The following DAPL1 variants were observed in gnomAD, a reference collection of about 807,000 sequenced individuals.
The protein encoded by DAPL1 is death-associated protein-like 1.
Under a neutral mutation model 12.9 loss-of-function variants are expected in DAPL1, and 17 were observed. That is an observed-to-expected ratio of 1.32 (90% CI 0.90 to 1.98). The LOEUF (loss-of-function observed/expected upper bound fraction) is 1.98, where lower values mean the gene tolerates loss of function less well. DAPL1 is among the 30% of genes most tolerant of loss of function. The pLI is 0.00. For synonymous variants in DAPL1, 51 were observed against 42.0 expected (o/e 1.21, Z -0.82); for missense variants, 157 against 125.7 (o/e 1.25, Z -1.19).
chr2:158,797,334 C>G lies in DAPL1; in HGVS notation c.58+1904C>G, dbSNP rs535927155. On this transcript the variant is annotated intron_variant, in intron 1 of 3. Coordinates refer to ENST00000309950, the MANE Select transcript of DAPL1 (RefSeq NM_001017920.3). ...AGTATCTGGCACCTGAATGTTAGCC[C>G]CCTTAAAATGCAGGCCCGGTAGAAC... is the stretch of plus-strand genomic sequence containing the variant. 5.3e-5 allele frequency among the ~76,000 whole-genome samples: 8 copies of G among 152,192 alleles called. No individual in the cohort carries two copies. In the South Asian group the frequency reaches 1.7e-3, roughly 32 times the overall value.
intron 1 of DAPL1, among the ~76,000 whole-genome samples, chr2:158,798,214 G>A (rs2059145431): frequency 6.6e-6 from 1 of 152,208 alleles, no homozygotes; most frequent in Non-Finnish European, 1.5e-5. Context: ...AATCCCTAAA[G>A]AGAATATGTT....
chr2:158,796,983 A>G (rs1404375612), intron 1 of DAPL1, among the ~76,000 whole-genome samples: 1 of 152,256 alleles, frequency 6.6e-6, no homozygotes, highest in Non-Finnish European at 1.5e-5. Context: ...GTCATCCTTC[A>G]GCCTGTCTTG....
chr2:158,808,887 A>G (rs141739855), intron 3 of DAPL1, among the ~76,000 whole-genome samples: 70 of 152,326 alleles, frequency 4.6e-4, no homozygotes, highest in Admixed American at 2.3e-3. Flanking sequence ...TGTATTAGGT[A>G]TGATGCCAGA....
intron 3 of DAPL1, among the ~76,000 whole-genome samples, chr2:158,814,078 C>A (rs915225974): frequency 1.3e-5 from 2 of 152,204 alleles, no homozygotes; most frequent in Non-Finnish European, 2.9e-5. Context: ...TACCTGCAAT[C>A]TCTCAAATAT....
intron 1 of DAPL1, 125 bp from the exon 2 acceptor site, chr2:158,804,157 C>G: frequency 4.6e-6 from 3 of 649,476 alleles, no homozygotes; most frequent in Non-Finnish European, 7.7e-6. Flanking sequence ...TTGTTTTATA[C>G]AAACGTTTAG....
intron 3 of DAPL1, among the ~76,000 whole-genome samples, chr2:158,812,675 G>A (rs1421241281): frequency 1.3e-5 from 2 of 151,716 alleles, no homozygotes; most frequent in Non-Finnish European, 2.9e-5. Flanking sequence ...CATGCCTGAG[G>A]TCCCAGTTAC....
chr2:158,804,354 G>T lies in DAPL1; in HGVS notation c.131G>T (p.Gly44Val). 6 of 1,610,228 alleles carry T rather than the reference G, an allele frequency of 3.7e-6. No individual in the cohort carries two copies. The highest frequency in any genetic ancestry group is 5.1e-6 in the Non-Finnish European group (6 of 1,177,936). ...GTLERHTKKT[G>V]FEKTSAIANV... ...TTGGAAAGACATACCAAAAAAACAG[G>T]ATTCGAGAAAACAAGGTAGGGACTC... Residue 44 changes from glycine to valine, a missense_variant, in exon 2 of 4, where the codon GGA becomes GTA. Transcript: ENST00000309950.
chr2:158,805,269 T>C (rs2059194364), intron 2 of DAPL1, among the ~76,000 whole-genome samples: 1 of 152,212 alleles, frequency 6.6e-6, no homozygotes, highest in African/African-American at 2.4e-5. Flanking sequence ...AGACATTTTT[T>C]GAGGATTTGC....
intron 1 of DAPL1, among the ~76,000 whole-genome samples, chr2:158,802,813 C>A (rs1030899773): frequency 6.6e-6 from 1 of 152,096 alleles, no homozygotes; most frequent in Non-Finnish European, 1.5e-5. Flanking sequence ...ATCCAAGAAC[C>A]TTTTTTTGGA....
chr2:158,798,955 G>C (rs1177748945), intron 1 of DAPL1, among the ~76,000 whole-genome samples: 1 of 151,934 alleles, frequency 6.6e-6, no homozygotes, highest in Non-Finnish European at 1.5e-5. Context: ...TTTTTTGCAG[G>C]CTTATGTTTA....
chr2:158,807,198 C>T, intron 3 of DAPL1, 83 bp downstream of exon 3: 2 of 1,095,156 alleles, frequency 1.8e-6, no homozygotes, highest in Non-Finnish European at 2.6e-6. Context: ...CGGATGACCA[C>T]TGAGGTTTTT....
intron 1 of DAPL1, among the ~76,000 whole-genome samples, chr2:158,801,612 T>C (rs1479707760): frequency 2.0e-5 from 3 of 152,284 alleles, no homozygotes; most frequent in Middle Eastern, 3.4e-3. Context: ...AAGCAGATAA[T>C]GTATAAAGAT....
intron 1 of DAPL1, among the ~76,000 whole-genome samples, chr2:158,796,418 C>T (rs2105146327): frequency 6.6e-6 from 1 of 152,226 alleles, no homozygotes; most frequent in African/African-American, 2.4e-5. Context: ...CAAAAAGAGT[C>T]CAGATTTTAC....
chr2:158,807,346 GA>G (rs2059208464), intron 3 of DAPL1, among the ~76,000 whole-genome samples: 1 of 152,198 alleles, frequency 6.6e-6, no homozygotes, highest in Admixed American at 6.5e-5. Context: ...AATAAGATAA[GA>G]AAGTGGGAAT....
intron 1 of DAPL1, 134 bp downstream of exon 1, chr2:158,795,564 T>C: frequency 1.2e-6 from 1 of 818,976 alleles, no homozygotes; most frequent in East Asian, 2.7e-5. Context: ...GCAGCCTGAC[T>C]TCCTCTTATG....
intron 1 of DAPL1, among the ~76,000 whole-genome samples, chr2:158,796,117 C>G (rs889298006): frequency 2.0e-5 from 3 of 152,106 alleles, no homozygotes; most frequent in Admixed American, 1.3e-4. Flanking sequence ...TTTTATTGTA[C>G]TTAACCATAT....
rs536488721 is a variant in DAPL1, at chr2:158,796,764, C to G, written c.58+1334C>G. Among the ~76,000 whole-genome samples the G allele has an allele frequency of 2.4e-4, 37 of 152,188 alleles. No individual in the cohort carries two copies. In the South Asian group the frequency reaches 2.5e-3, roughly 10 times the overall value. On this transcript the variant is annotated intron_variant, in intron 1 of 3. Coordinates refer to ENST00000309950, the MANE Select transcript of DAPL1 (RefSeq NM_001017920.3). The stretch of plus-strand genomic sequence containing the variant: ...AACCAAATGAAAGTTCGAATGAAAC[C>G]ACCGGGAACTTTCTGTCCCCACCAC...
intron 3 of DAPL1, among the ~76,000 whole-genome samples, chr2:158,811,345 T>C (rs1389341821): frequency 6.6e-6 from 1 of 152,202 alleles, no homozygotes; most frequent in African/African-American, 2.4e-5. Flanking sequence ...TTAAGCAGTT[T>C]GCTTAACAGG....
intron 3 of DAPL1, among the ~76,000 whole-genome samples, chr2:158,811,597 A>G (rs574522570): frequency 6.6e-6 from 1 of 152,164 alleles, no homozygotes; most frequent in Non-Finnish European, 1.5e-5. Context: ...AGATGAAGGT[A>G]AATTCTCAAT....
Sources: gnomAD v4.1 joint callset for allele counts (sites outside exome capture counted in the v4.1 genomes callset) on GRCh38, gnomAD v4.1.1 for gene constraint, MANE v1.5 for transcripts, NCBI Gene and HGNC (gene_info 2026-07-23, HGNC 2026-07-21) for gene names.